Variants in BOLA3 observed in about 807,000 individuals in gnomAD.
The protein encoded by BOLA3 is bolA family member 3, also known as bolA-like protein 3.
In BOLA3, 8 loss-of-function variants were observed where a neutral mutation model predicts 14.5. The ratio of observed to expected loss-of-function variants is 0.55; its 90% CI spans 0.32 to 0.99. The LOEUF is 0.99. BOLA3 is among the 50% of genes least tolerant of loss of function. The probability of loss-of-function intolerance (pLI) is 0.04; values close to 1 mark genes in which losing one functional copy is unlikely to be tolerated. For missense variants in BOLA3, 115 were observed against 138.2 expected, an observed-to-expected ratio of 0.83 and a Z score of 0.84; for synonymous variants, 42 against 45.7, an observed-to-expected ratio of 0.92 and a Z score of 0.33.
At position 74,146,840 on chromosome 2, in the gene BOLA3, G is replaced by T. The variant is rs1161018109; in HGVS notation, c.54+981C>A. On this transcript the variant is annotated intron_variant, in intron 1 of 3. Coordinates refer to ENST00000327428, the MANE Select transcript of BOLA3 (RefSeq NM_212552.3). ...CTGACCCCAGGGCAGGCCCTCAGAGGCACTTGGTGCTGGATGAATGAATGA... is the reference window on the plus strand; with the variant it reads ...CTGACCCCAGGGCAGGCCCTCAGAGTCACTTGGTGCTGGATGAATGAATGA... The T allele has an allele frequency of 2.6e-5, 4 of 152,556 alleles. No individual in the cohort carries two copies. In the East Asian group the frequency reaches 7.7e-4, roughly 29 times the overall value. The allele number at this position is 152,556 out of a possible 1,614,324, so 9.5% of individuals were successfully genotyped here.
At chr2:74,147,546 T>C (rs1019487790) in intron 1 of BOLA3, 2 of 538,150 alleles carry the variant, frequency 3.7e-6, no homozygotes, top group Admixed American at 6.9e-5. Flanking sequence ...CCCGCAGTAT[T>C]ATGACTGTTC....
At chr2:74,142,938 G>C (rs1477537073) in intron 2 of BOLA3, among the ~76,000 whole-genome samples, 1 of 152,146 alleles carries the variant, frequency 6.6e-6, no homozygotes, top group Non-Finnish European at 1.5e-5. Context: ...CCTGGCTTTT[G>C]GGGGGAGAAC....
chr2:74,147,656 T>TGAATGAATGAAA (rs1430169438), intron 1 of BOLA3, 165 bp downstream of exon 1: 9 of 709,348 alleles, frequency 1.3e-5, no homozygotes, highest in Non-Finnish European at 2.1e-5. Flanking sequence ...GCTGAGTGAA[T>TGAATGAATGAAA]GAATGAATGA....
At chr2:74,145,622 T>A in intron 1 of BOLA3, 3 of 381,784 alleles carry the variant, frequency 7.9e-6, no homozygotes, top group East Asian at 6.1e-5. Flanking sequence ...GCCGATAGTT[T>A]TATAGGTAAG....
chr2:74,147,730 GC>G, intron 1 of BOLA3, 90 bp downstream of exon 1: 1 of 1,333,756 alleles, frequency 7.5e-7, no homozygotes, highest in Non-Finnish European at 1.0e-6. Flanking sequence ...CCCTCCGGGA[GC>G]CAGTCCTCAA....
chr2:74,145,134 T>G, intron 2 of BOLA3, 55 bp downstream of exon 2: 1 of 1,044,142 alleles, frequency 9.6e-7, no homozygotes, highest in Non-Finnish European at 1.5e-6. Flanking sequence ...CCCTCTGTCC[T>G]TCCAAAGGGC....
chr2:74,141,639 A>C (rs1692440145), intron 3 of BOLA3, among the ~76,000 whole-genome samples: 2 of 152,242 alleles, frequency 1.3e-5, no homozygotes, highest in African/African-American at 4.8e-5. Context: ...GCTCATTACC[A>C]GTGCTGTGCT....
chr2:74,138,728 G>C (rs1692382256), intron 3 of BOLA3, among the ~76,000 whole-genome samples: 1 of 152,220 alleles, frequency 6.6e-6, no homozygotes, highest in Admixed American at 6.5e-5. Flanking sequence ...CGCCTTAGGG[G>C]AGGGCAATCC....
At chr2:74,136,817 T>C (rs1356355695) in intron 3 of BOLA3, among the ~76,000 whole-genome samples, 3 of 152,172 alleles carry the variant, frequency 2.0e-5, no homozygotes, top group Non-Finnish European at 2.9e-5. Context: ...AATTCCCCAA[T>C]GGTCAGAGCA....
intron 1 of BOLA3, chr2:74,147,482 T>A (rs1015606433): frequency 2.9e-6 from 1 of 339,640 alleles, no homozygotes; most frequent in Admixed American, 5.2e-5. Flanking sequence ...GCCTTGACTC[T>A]GGGCTATGAC....
intron 3 of BOLA3, among the ~76,000 whole-genome samples, chr2:74,136,018 C>T (rs370938809): frequency 2.5e-4 from 37 of 149,448 alleles, no homozygotes; most frequent in South Asian, 1.0e-3. Flanking sequence ...GGCGCGATAT[C>T]GGCTTACTGC....
intron 1 of BOLA3, chr2:74,147,533 G>GTAT: frequency 2.1e-6 from 1 of 478,272 alleles, no homozygotes; most frequent in Non-Finnish European, 3.7e-6. Context: ...TTTTTTTCCT[G>GTAT]TGCCCGCAGT....
At chr2:74,144,889 A>C (rs111660686) in intron 2 of BOLA3, among the ~76,000 whole-genome samples, 79 of 152,340 alleles carry the variant, frequency 5.2e-4, no homozygotes, top group African/African-American at 1.8e-3. Context: ...ATTCAAAGTC[A>C]AATGACAGAC....
At chr2:74,138,874 A>G (rs930122790) in intron 3 of BOLA3, among the ~76,000 whole-genome samples, 3 of 151,350 alleles carry the variant, frequency 2.0e-5, no homozygotes, top group Non-Finnish European at 4.4e-5. Flanking sequence ...CTCAAATCTC[A>G]CCTCTGTCCA....
chr2:74,144,609 C>A (rs1017616870), intron 2 of BOLA3, among the ~76,000 whole-genome samples: 134 of 152,320 alleles, frequency 8.8e-4, no homozygotes, highest in Non-Finnish European at 5.0e-4. Flanking sequence ...ACACTGCCAG[C>A]CTGAACTTCT....
rs550094161 is a variant in BOLA3 at position 74,145,032 on chromosome 2, T to C, written c.169+157A>G. Among the ~76,000 whole-genome samples the C allele has an allele frequency of 1.9e-4, 29 of 152,152 alleles. 1 individual carries two copies. The South Asian group carries it at 5.8e-3, about 30-fold the overall frequency. On this transcript the variant is annotated intron_variant, in intron 2 of 3. Transcript: ENST00000327428. ...TTTCTGAATCCTGACTGCCATCCCATGAGGTGGGGGCAGCCGAGCTCCACC... is the reference window on the plus strand; with the variant it reads ...TTTCTGAATCCTGACTGCCATCCCACGAGGTGGGGGCAGCCGAGCTCCACC...
intron 3 of BOLA3, among the ~76,000 whole-genome samples, chr2:74,141,058 A>G (rs969695083): frequency 6.6e-6 from 1 of 152,318 alleles, no homozygotes; most frequent in Non-Finnish European, 1.5e-5. Flanking sequence ...AATAAAACCC[A>G]AAGTGCCACG....
At chr2:74,136,879 T>A (rs1044348432) in intron 3 of BOLA3, among the ~76,000 whole-genome samples, 1 of 152,186 alleles carries the variant, frequency 6.6e-6, no homozygotes, top group African/African-American at 2.4e-5. Flanking sequence ...CTACAAATGG[T>A]GTCAGAGCCC....
intron 1 of BOLA3, chr2:74,146,996 A>AG (rs1445049783): frequency 6.6e-6 from 1 of 152,544 alleles, no homozygotes; most frequent in Non-Finnish European, 1.5e-5. Context: ...GCCAGGAGTG[A>AG]GGGTGGGGTG....
Sources: allele counts gnomAD v4.1 joint callset (sites outside exome capture counted in the v4.1 genomes callset), GRCh38; gene constraint gnomAD v4.1.1; transcripts MANE v1.5; gene names NCBI Gene and HGNC (gene_info 2026-07-23, HGNC 2026-07-21).